Variants in NRG1 observed in about 807,000 individuals in gnomAD.
NRG1 encodes the protein pro-neuregulin-1, membrane-bound isoform.
NRG1 carries 18 observed loss-of-function variants against 63.8 expected under a neutral mutation model. The ratio of observed to expected loss-of-function variants is 0.28; its 90% CI spans 0.19 to 0.42. The LOEUF (loss-of-function observed/expected upper bound fraction) is 0.42, where lower values mean the gene tolerates loss of function less well. Among genes scored for constraint, NRG1 ranks in the 10% least tolerant of loss-of-function variants. The probability of loss-of-function intolerance (pLI) is 1.00; values close to 1 mark genes in which losing one functional copy is unlikely to be tolerated. For synonymous variants in NRG1, 302 were observed against 301.3 expected, an observed-to-expected ratio of 1.00 and a Z score of -0.02; for missense variants, 762 against 814.7, an observed-to-expected ratio of 0.94 and a Z score of 0.79.
intron 1 of NRG1, chr8:31,639,664 C>T: frequency 1.4e-6 from 2 of 1,383,652 alleles, no homozygotes; most frequent in Non-Finnish European, 9.3e-7. Flanking sequence ...AGGGCTCGGG[C>T]GCGGCGGCGG....
chr8:32,328,142 G>T (rs1458803129), intron 1 of NRG1, among the ~76,000 whole-genome samples: 1 of 152,196 alleles, frequency 6.6e-6, no homozygotes, highest in Non-Finnish European at 1.5e-5. Context: ...CCTTTGGGTA[G>T]AGTGGGAATA....
At chr8:32,743,573 C>CATATATATAT (rs71879821) in intron 7 of NRG1, among the ~76,000 whole-genome samples, 5,679 of 113,566 alleles carry the variant, frequency 0.05, 223 homozygotes, top group South Asian at 0.054. Flanking sequence ...TAAGGCAAAA[C>CATATATATAT]ATATATATAT....
intron 1 of NRG1, among the ~76,000 whole-genome samples, chr8:31,815,276 C>T (rs974090516): frequency 6.6e-6 from 1 of 152,104 alleles, no homozygotes; most frequent in Non-Finnish European, 1.5e-5. Flanking sequence ...CCGGGCACCA[C>T]TATTCTACTG....
At chr8:32,645,055 G>A (rs1001545942) in intron 5 of NRG1, among the ~76,000 whole-genome samples, 4 of 152,088 alleles carry the variant, frequency 2.6e-5, no homozygotes, top group Non-Finnish European at 5.9e-5. Context: ...GGAATTCAGT[G>A]CCGTATATTT....
chr8:32,334,804 C>A (rs897589643), intron 1 of NRG1, among the ~76,000 whole-genome samples: 1 of 152,254 alleles, frequency 6.6e-6, no homozygotes, highest in Admixed American at 6.5e-5. Context: ...CTACCACAAA[C>A]AAGAAAGATG....
At chr8:31,876,317 CA>C (rs1276678481) in intron 1 of NRG1, among the ~76,000 whole-genome samples, 3 of 152,146 alleles carry the variant, frequency 2.0e-5, no homozygotes, top group Admixed American at 1.3e-4. Flanking sequence ...GCAATAATAG[CA>C]ATTACCTAAC....
intron 1 of NRG1, among the ~76,000 whole-genome samples, chr8:31,919,094 T>C (rs1833672652): frequency 6.6e-6 from 1 of 152,126 alleles, no homozygotes. Context: ...CTTCTCTCTT[T>C]TTTTCTTTAT....
At chr8:31,742,502 A>G (rs534701727) in intron 1 of NRG1, among the ~76,000 whole-genome samples, 2 of 71,976 alleles carry the variant, frequency 2.8e-5, no homozygotes, top group East Asian at 2.8e-4. Flanking sequence ...ATTGTCTTCT[A>G]TGGAAAATGT....
intron 1 of NRG1, among the ~76,000 whole-genome samples, chr8:31,813,516 C>CTTTTCTTTTCTTTTCTTTTCTTT: frequency 4.9e-5 from 5 of 101,214 alleles, no homozygotes; most frequent in East Asian, 3.6e-4. Flanking sequence ...CTTTTCTTTT[C>CTTTTCTTTTCTTTTCTTTTCTTT]TTTTTTTTTT....
chr8:31,763,710 G>A (rs2131531898), intron 1 of NRG1, among the ~76,000 whole-genome samples: 1 of 152,328 alleles, frequency 6.6e-6, no homozygotes, highest in African/African-American at 2.4e-5. Flanking sequence ...CAGCACCTTG[G>A]GAGGCCGAGG....
intron 1 of NRG1, among the ~76,000 whole-genome samples, chr8:31,962,661 G>A (rs327407): frequency 0.021 from 3,263 of 152,130 alleles, 103 homozygotes; most frequent in African/African-American, 0.074. Context: ...GAACCAGTTC[G>A]GATTAAACAA....
At chr8:32,407,894 C>T (rs543749557) in intron 1 of NRG1, among the ~76,000 whole-genome samples, 40 of 152,260 alleles carry the variant, frequency 2.6e-4, no homozygotes, top group African/African-American at 9.1e-4. Flanking sequence ...AGAGGTGTAA[C>T]TGATTAAACT....
At chr8:32,344,381 T>TCTTTTTCTTTCTTTCTTTCTTC (rs1563338245) in intron 1 of NRG1, among the ~76,000 whole-genome samples, 39 of 90,168 alleles carry the variant, frequency 4.3e-4, no homozygotes, top group South Asian at 8.8e-4. Flanking sequence ...TTTCTTTCTT[T>TCTTTTTCTTTCTTTCTTTCTTC]CTCTTTCTTT....
chr8:32,747,729 T>C (rs1589564333), intron 7 of NRG1, among the ~76,000 whole-genome samples: 1 of 134,952 alleles, frequency 7.4e-6, no homozygotes, highest in East Asian at 2.3e-4. Flanking sequence ...TATATGTGTG[T>C]GTGTATATAT....
At chr8:32,353,013 G>C (rs1805842468) in intron 1 of NRG1, among the ~76,000 whole-genome samples, 1 of 149,710 alleles carries the variant, frequency 6.7e-6, no homozygotes, top group Non-Finnish European at 1.5e-5. Context: ...CTCCACAAAT[G>C]TTAAAAACAT....
At chr8:32,597,381 C>T (rs75296511) in intron 2 of NRG1, among the ~76,000 whole-genome samples, 6,269 of 152,166 alleles carry the variant, frequency 0.041, 157 homozygotes, top group Middle Eastern at 0.085. Flanking sequence ...GTTTTATTAG[C>T]TACATACTTT....
rs139767256 is a variant in NRG1, at chr8:31,688,508, C to T, written c.37+49077C>T. 1.6e-4 allele frequency among the ~76,000 whole-genome samples: 24 copies of T among 152,168 alleles called. No individual in the cohort carries two copies. The East Asian group carries it at 1.9e-3, about 12-fold the overall frequency. ...CCCGTCAACGATATTGTCCTAGATC[C>T]GCCCAAATGGACAAAGACAATTTAG... is the stretch of plus-strand genomic sequence containing the variant. On this transcript the variant is annotated intron_variant, in intron 1 of 10. Coordinates refer to the NRG1 transcript ENST00000519301.
intron 1 of NRG1, among the ~76,000 whole-genome samples, chr8:31,855,947 C>T (rs1216649345): frequency 1.3e-3 from 202 of 151,822 alleles, no homozygotes; most frequent in African/African-American, 4.7e-3. Flanking sequence ...GGCCCCCACT[C>T]TCTTCTGGCT....
chr8:32,129,988 T>A (rs1167906914), intron 1 of NRG1, among the ~76,000 whole-genome samples: 2 of 151,892 alleles, frequency 1.3e-5, no homozygotes, highest in East Asian at 1.9e-4. Flanking sequence ...TGATAATCCA[T>A]CACCAAATAA....
Sources: allele counts gnomAD v4.1 joint callset (sites outside exome capture counted in the v4.1 genomes callset), GRCh38; gene constraint gnomAD v4.1.1; transcripts MANE v1.5; gene names NCBI Gene and HGNC (gene_info 2026-07-23, HGNC 2026-07-21).